The following PRDM11 variants were observed in gnomAD, a reference collection of about 807,000 sequenced individuals.
PRDM11 encodes the protein PR/SET domain 11, also known as PR domain-containing protein 11.
Under a neutral mutation model 97.8 loss-of-function variants are expected in PRDM11, and 20 were observed. That is an observed-to-expected ratio of 0.20 (90% CI 0.14 to 0.30). The LOEUF is 0.30. PRDM11 is among the 10% of genes least tolerant of loss of function. The probability of loss-of-function intolerance (pLI) is 1.00; values close to 1 mark genes in which losing one functional copy is unlikely to be tolerated. For missense variants in PRDM11, 1,139 were observed against 1,555.2 expected (o/e 0.73, Z 4.50); for synonymous variants, 599 against 637.7 (o/e 0.94, Z 0.91).
At chr11:45,167,357 G>A (rs1852089160) in intron 1 of PRDM11, among the ~76,000 whole-genome samples, 1 of 152,122 alleles carries the variant, frequency 6.6e-6, no homozygotes, top group South Asian at 2.1e-4. Context: ...AGGTCACATA[G>A]TGTAGGTGCT....
Position 45,231,137 on chromosome 11 carries a change from C to G in PRDM11, c.*2978C>G, listed in dbSNP as rs1854391888. On this transcript the variant is annotated 3_prime_UTR_variant, in exon 8 of 8. Transcript: ENST00000683152. Reference sequence around the variant, plus strand: ...CCATGCCAGGGCTGTGGCAGACACTCTGTAGGCCACACTGCCATGGGACAG... The same window carrying G: ...CCATGCCAGGGCTGTGGCAGACACTGTGTAGGCCACACTGCCATGGGACAG... 1 of 152,212 alleles carries G rather than the reference C, an allele frequency of 6.6e-6. No homozygotes were observed. Among genetic ancestry groups the G allele is most frequent in the Non-Finnish European group, 1.5e-5 (1 of 68,044 alleles). 9.4% of individuals were successfully genotyped at this position (152,212 alleles called of 1,614,324 possible).
intron 1 of PRDM11, among the ~76,000 whole-genome samples, chr11:45,109,568 C>T (rs1016983253): frequency 1.3e-5 from 2 of 152,112 alleles, no homozygotes; most frequent in African/African-American, 2.4e-5. Flanking sequence ...GGCTATCCTG[C>T]GGAGGAGGGA....
At chr11:45,162,709 T>C (rs1232535841) in intron 1 of PRDM11, among the ~76,000 whole-genome samples, 1 of 152,146 alleles carries the variant, frequency 6.6e-6, no homozygotes, top group Non-Finnish European at 1.5e-5. Flanking sequence ...AGCTGAGATT[T>C]GAATCATGGC....
At chr11:45,155,496 C>T (rs1434246115) in intron 1 of PRDM11, among the ~76,000 whole-genome samples, 1 of 152,170 alleles carries the variant, frequency 6.6e-6, no homozygotes, top group Admixed American at 6.5e-5. Flanking sequence ...CCTGACCTCA[C>T]AGCCCTTTAC....
At chr11:45,105,325 C>T (rs895869224) in intron 1 of PRDM11, among the ~76,000 whole-genome samples, 1 of 152,202 alleles carries the variant, frequency 6.6e-6, no homozygotes, top group South Asian at 2.1e-4. Flanking sequence ...CCATAGCACC[C>T]CATGACCTAC....
At chr11:45,178,386 C>T (rs1050317241) in intron 1 of PRDM11, among the ~76,000 whole-genome samples, 1 of 152,134 alleles carries the variant, frequency 6.6e-6, no homozygotes, top group Admixed American at 6.6e-5. Context: ...CGTCAGAATC[C>T]GGCTCTGAGT....
rs920139981 is a variant in PRDM11 at position 45,233,946 on chromosome 11, C to T, written c.*5787C>T. ...CACAGAGGCCCCGTGGCCCCTACCCCACTCCCGCCGTAACAGGCAGGTTTA... is the reference window on the plus strand; with the variant it reads ...CACAGAGGCCCCGTGGCCCCTACCCTACTCCCGCCGTAACAGGCAGGTTTA... On this transcript the variant is annotated 3_prime_UTR_variant, in exon 8 of 8. Transcript: ENST00000683152. 1 of 152,334 alleles carries T rather than the reference C, an allele frequency of 6.6e-6. No individual in the cohort carries two copies. Among genetic ancestry groups the T allele is most frequent in the Admixed American group, 6.5e-5 (1 of 15,292 alleles). The allele number at this position is 152,334 out of a possible 1,614,324, so 9.4% of individuals were successfully genotyped here.
intron 1 of PRDM11, among the ~76,000 whole-genome samples, chr11:45,108,676 C>G (rs1852111815): frequency 6.6e-6 from 1 of 152,142 alleles, no homozygotes; most frequent in Non-Finnish European, 1.5e-5. Flanking sequence ...CCAGAGGCAC[C>G]AGGGGCCTCT....
chr11:45,151,266 G>A (rs1214905785), intron 1 of PRDM11, among the ~76,000 whole-genome samples: 1 of 152,242 alleles, frequency 6.6e-6, no homozygotes, highest in African/African-American at 2.4e-5. Context: ...CATGTTCTCA[G>A]AGTGAGGCCT....
At chr11:45,145,567 G>A (rs1851488418), upstream of PRDM11, among the ~76,000 whole-genome samples, 1 of 152,206 alleles carries the variant, frequency 6.6e-6, no homozygotes, top group South Asian at 2.1e-4. Flanking sequence ...TTTGGGGAAA[G>A]CACTGGACAG....
intron 5 of PRDM11, among the ~76,000 whole-genome samples, chr11:45,206,489 C>T (rs79968721): frequency 0.014 from 2,094 of 152,266 alleles, 39 homozygotes; most frequent in African/African-American, 0.048. Context: ...GGAGACCGTG[C>T]GTGTGTCCAC....
chr11:45,177,091 C>G (rs571185987), intron 1 of PRDM11, among the ~76,000 whole-genome samples: 5 of 152,332 alleles, frequency 3.3e-5, no homozygotes, highest in Non-Finnish European at 7.3e-5. Context: ...TCTAGATTCT[C>G]ATGGTGCCAG....
At chr11:45,171,685 T>C (rs1852204817) in intron 1 of PRDM11, among the ~76,000 whole-genome samples, 1 of 152,162 alleles carries the variant, frequency 6.6e-6, no homozygotes, top group Non-Finnish European at 1.5e-5. Context: ...GCCCCTTTGA[T>C]AGGGCAGTGT....
At chr11:45,103,916 T>A (rs1168206537) in intron 1 of PRDM11, among the ~76,000 whole-genome samples, 1 of 152,076 alleles carries the variant, frequency 6.6e-6, no homozygotes, top group Non-Finnish European at 1.5e-5. Context: ...CAGGATGCAT[T>A]GAGGGCGATG....
intron 1 of PRDM11, among the ~76,000 whole-genome samples, chr11:45,155,646 G>T (rs1851775716): frequency 6.6e-6 from 1 of 152,036 alleles, no homozygotes; most frequent in South Asian, 2.1e-4. Flanking sequence ...TCAAGGAGGG[G>T]TGGAGAGGGA....
intron 4 of PRDM11, among the ~76,000 whole-genome samples, chr11:45,199,887 A>G (rs1853265930): frequency 1.3e-5 from 2 of 152,110 alleles, no homozygotes; most frequent in South Asian, 2.1e-4. Context: ...CTTAGACTCC[A>G]TGTCCCCAGA....
chr11:45,151,470 G>C (rs774843778), intron 1 of PRDM11, among the ~76,000 whole-genome samples: 1 of 152,268 alleles, frequency 6.6e-6, no homozygotes, highest in African/African-American at 2.4e-5. Flanking sequence ...GGCTCTGTAA[G>C]TGGGGAGGCC....
intron 1 of PRDM11, among the ~76,000 whole-genome samples, chr11:45,153,421 A>G (rs187241249): frequency 1.9e-4 from 29 of 152,216 alleles, no homozygotes; most frequent in Non-Finnish European, 3.5e-4. Flanking sequence ...AACGGGGGCA[A>G]TGCCACTACT....
At chr11:45,123,429 C>T (rs558542270) in intron 1 of PRDM11, among the ~76,000 whole-genome samples, 1 of 146,742 alleles carries the variant, frequency 6.8e-6, no homozygotes, top group East Asian at 2.0e-4. Context: ...ATGCCTATGT[C>T]CTGAATGGTA....
Sources: allele counts gnomAD v4.1 joint callset (sites outside exome capture counted in the v4.1 genomes callset), GRCh38; gene constraint gnomAD v4.1.1; transcripts MANE v1.5; gene names NCBI Gene and HGNC (gene_info 2026-07-23, HGNC 2026-07-21).